The following RBFOX3 variants were observed in gnomAD, a reference collection of about 807,000 sequenced individuals.
RBFOX3 encodes RNA binding protein fox-1 homolog 3.
A neutral mutation model predicts 48.7 loss-of-function variants in RBFOX3; 17 were observed. The ratio of observed to expected loss-of-function variants is 0.35; its 90% CI spans 0.24 to 0.52. The LOEUF (loss-of-function observed/expected upper bound fraction) is 0.52, where lower values mean the gene tolerates loss of function less well. RBFOX3 is among the 20% of genes least tolerant of loss of function. RBFOX3 has a pLI of 0.94. For missense variants in RBFOX3, 382 were observed against 497.5 expected (o/e 0.77, Z 2.21); for synonymous variants, 212 against 209.5 (o/e 1.01, Z -0.10).
intron 2 of RBFOX3, among the ~76,000 whole-genome samples, chr17:79,382,557 A>C (rs1374517443): frequency 6.8e-6 from 1 of 148,124 alleles, no homozygotes. Flanking sequence ...GCCCCTGTGA[A>C]CTGGTTCCAC....
chr17:79,445,797 G>T (rs1054884891), intron 2 of RBFOX3, among the ~76,000 whole-genome samples: 1 of 152,206 alleles, frequency 6.6e-6, no homozygotes, highest in African/African-American at 2.4e-5. Flanking sequence ...TTCAGCCGGG[G>T]TTTGCAGGAC....
chr17:79,328,462 G>T (rs1041607427), intron 2 of RBFOX3, among the ~76,000 whole-genome samples: 2 of 152,152 alleles, frequency 1.3e-5, no homozygotes, highest in Non-Finnish European at 2.9e-5. Context: ...GAAGGTTTTT[G>T]GGAGTCAGCA....
intron 4 of RBFOX3, among the ~76,000 whole-genome samples, chr17:79,137,646 C>T (rs1217673068): frequency 1.3e-5 from 2 of 148,362 alleles, no homozygotes; most frequent in Non-Finnish European, 3.0e-5. Flanking sequence ...TGGCCTGGCC[C>T]GGGCACGCGG....
chr17:79,495,616 T>G (rs1305565706), intron 1 of RBFOX3, among the ~76,000 whole-genome samples: 30 of 3,804 alleles, frequency 7.9e-3, no homozygotes, highest in African/African-American at 0.011. Flanking sequence ...GGTGGGGAGG[T>G]GGGGGAAAGG....
At chr17:79,536,403 G>A (rs977772589) in intron 1 of RBFOX3, among the ~76,000 whole-genome samples, 21 of 152,234 alleles carry the variant, frequency 1.4e-4, no homozygotes, top group African/African-American at 5.1e-4. Context: ...CATCAGATGT[G>A]CCCTTGTCTT....
intron 2 of RBFOX3, among the ~76,000 whole-genome samples, chr17:79,327,502 A>G (rs1273464961): frequency 1.3e-5 from 2 of 152,254 alleles, no homozygotes; most frequent in African/African-American, 4.8e-5. Flanking sequence ...CTCCAGAGCC[A>G]GGTCCTAACC....
At chr17:79,570,716 C>A (rs2092644844) in intron 1 of RBFOX3, among the ~76,000 whole-genome samples, 1 of 152,174 alleles carries the variant, frequency 6.6e-6, no homozygotes, top group South Asian at 2.1e-4. Flanking sequence ...ACCCTGACTC[C>A]ACACTCTAGG....
chr17:79,284,372 T>G (rs2071345556), intron 3 of RBFOX3, among the ~76,000 whole-genome samples: 1 of 152,028 alleles, frequency 6.6e-6, no homozygotes, highest in Non-Finnish European at 1.5e-5. Context: ...GTTTTGTTAT[T>G]CCAAATCCAC....
At chr17:79,251,832 C>T (rs1441217765) in intron 3 of RBFOX3, among the ~76,000 whole-genome samples, 3 of 152,222 alleles carry the variant, frequency 2.0e-5, no homozygotes, top group African/African-American at 4.8e-5. Flanking sequence ...CCCACCTGCC[C>T]ACCTGCTTCT....
intron 1 of RBFOX3, among the ~76,000 whole-genome samples, chr17:79,584,925 C>A (rs2144911537): frequency 6.6e-6 from 1 of 152,174 alleles, no homozygotes; most frequent in Non-Finnish European, 1.5e-5. Context: ...GCCACCACAC[C>A]CAGCTACTTT....
At chr17:79,105,914 G>A (rs993027531) in intron 6 of RBFOX3, among the ~76,000 whole-genome samples, 2 of 152,116 alleles carry the variant, frequency 1.3e-5, no homozygotes, top group Admixed American at 1.3e-4. Flanking sequence ...CCACCACTCG[G>A]CAGCCCCAGC....
Position 79,090,279 on chromosome 17 carries a change from C to G in RBFOX3, c.*604G>C, listed in dbSNP as rs1365321062. 2 of 152,536 alleles carry G rather than the reference C, an allele frequency of 1.3e-5. No individual in the cohort carries two copies. The highest frequency in any genetic ancestry group is 4.8e-5 in the African/African-American group (2 of 41,470). The allele number at this position is 152,536 out of a possible 1,614,324, so 9.4% of individuals were successfully genotyped here. A position where few individuals can be genotyped will look rare whatever the true frequency, so the allele number is the denominator to read the frequency against. On this transcript the variant is annotated 3_prime_UTR_variant, in exon 15 of 15. Coordinates refer to ENST00000693108, the MANE Select transcript of RBFOX3 (RefSeq NM_001350451.2). ...GGGCTACTGTTGGACGGCTTCCTCG[C>G]CAGGCTGGGGGCACGGGCGGGACTG...
At chr17:79,509,542 G>A (rs937863327) in intron 1 of RBFOX3, among the ~76,000 whole-genome samples, 4 of 152,176 alleles carry the variant, frequency 2.6e-5, no homozygotes, top group African/African-American at 4.8e-5. Flanking sequence ...TCGTAACAGC[G>A]TTCTAGCTGG....
intron 3 of RBFOX3, among the ~76,000 whole-genome samples, chr17:79,283,559 G>A (rs950324289): frequency 2.6e-5 from 4 of 152,216 alleles, no homozygotes; most frequent in Non-Finnish European, 5.9e-5. Context: ...GTGAGCTATC[G>A]CATGTGAATT....
chr17:79,111,434 G>A lies in RBFOX3; in HGVS notation c.222+4060C>T, dbSNP rs949741599. Reference sequence around the variant, plus strand: ...TTTGTCTGGCATTTTTTTTATCTGCGTGCTAATCTCTCTCTCTTTTTCTCA... The same window carrying A: ...TTTGTCTGGCATTTTTTTTATCTGCATGCTAATCTCTCTCTCTTTTTCTCA... On this transcript the variant is annotated intron_variant, in intron 5 of 14. Transcript: ENST00000693108. The surrounding 1 kb of genome is among the most constrained non-coding windows in gnomAD (Gnocchi z 4.2). Among the ~76,000 whole-genome samples the A allele has an allele frequency of 2.0e-5, 3 of 152,066 alleles. No homozygotes were observed. Among genetic ancestry groups the A allele is most frequent in the African/African-American group, 7.2e-5 (3 of 41,416 alleles).
At chr17:79,463,995 A>G (rs1490032067) in intron 2 of RBFOX3, among the ~76,000 whole-genome samples, 1 of 152,166 alleles carries the variant, frequency 6.6e-6, no homozygotes, top group Non-Finnish European at 1.5e-5. Flanking sequence ...CTCCACCACC[A>G]TTGGTAGCAG....
intron 1 of RBFOX3, among the ~76,000 whole-genome samples, chr17:79,508,105 C>A (rs1230338157): frequency 1.3e-5 from 2 of 152,250 alleles, no homozygotes; most frequent in Non-Finnish European, 2.9e-5. Flanking sequence ...AAAACACCAG[C>A]AGACTCCAGA....
chr17:79,621,133 G>T, the RBFOX3 span, among the ~76,000 whole-genome samples: 1 of 151,980 alleles, frequency 6.6e-6, no homozygotes, highest in South Asian at 2.1e-4. Context: ...CAAGTAGCTG[G>T]GACTACAGGC....
intron 4 of RBFOX3, among the ~76,000 whole-genome samples, chr17:79,197,394 T>C (rs1448314087): frequency 1.4e-5 from 2 of 147,254 alleles, no homozygotes; most frequent in Non-Finnish European, 3.0e-5. Flanking sequence ...CTTTCTTTTT[T>C]TTTTTTTTTT....
Sources: allele counts gnomAD v4.1 joint callset (sites outside exome capture counted in the v4.1 genomes callset), GRCh38; gene constraint gnomAD v4.1.1; non-coding constraint Gnocchi (gnomAD v3.1); transcripts MANE v1.5; gene names NCBI Gene and HGNC (gene_info 2026-07-23, HGNC 2026-07-21).